Variants in DNMBP observed in about 807,000 individuals in gnomAD.
DNMBP encodes the protein dynamin binding protein, also known as dynamin-binding protein.
A neutral mutation model predicts 150.0 loss-of-function variants in DNMBP; 87 were observed. The observed-to-expected ratio is 0.58, with a 90% CI of 0.49 to 0.69. DNMBP has a LOEUF of 0.69. Among genes scored for constraint, DNMBP ranks in the 30% least tolerant of loss-of-function variants. DNMBP has a pLI of 0.00. For synonymous variants in DNMBP, 711 were observed against 750.4 expected, an observed-to-expected ratio of 0.95 and a Z score of 0.86; for missense variants, 1,774 against 1,949.0, an observed-to-expected ratio of 0.91 and a Z score of 1.69.
At chr10:99,929,178 T>C (rs181957954) in intron 4 of DNMBP, among the ~76,000 whole-genome samples, 16 of 151,592 alleles carry the variant, frequency 1.1e-4, no homozygotes, top group Admixed American at 2.0e-4. Flanking sequence ...AGTCAAGTCT[T>C]CTTTTCCATT....
chr10:99,938,471 G>A (rs2040257439), intron 4 of DNMBP, among the ~76,000 whole-genome samples: 1 of 152,208 alleles, frequency 6.6e-6, no homozygotes, highest in Non-Finnish European at 1.5e-5. Context: ...TTGAGCCTGG[G>A]AGGCGGAGGT....
intron 16 of DNMBP, among the ~76,000 whole-genome samples, chr10:99,879,597 A>G (rs1453574525): frequency 6.6e-6 from 1 of 152,202 alleles, no homozygotes; most frequent in East Asian, 1.9e-4. Flanking sequence ...AGTGACACAG[A>G]GGGGTCCAGG....
intron 6 of DNMBP, among the ~76,000 whole-genome samples, chr10:99,907,459 G>A (rs927579874): frequency 3.3e-5 from 5 of 150,218 alleles, no homozygotes; most frequent in South Asian, 2.1e-4. Context: ...GTAGTGGCTC[G>A]TGGCGCGATT....
intron 1 of DNMBP, among the ~76,000 whole-genome samples, chr10:99,986,944 G>C (rs953050774): frequency 1.3e-5 from 2 of 151,934 alleles, no homozygotes; most frequent in African/African-American, 4.8e-5. Context: ...CACGAGGTCA[G>C]GAGATCGAGA....
chr10:99,881,564 T>C (rs1370197993), intron 15 of DNMBP, among the ~76,000 whole-genome samples: 1 of 152,236 alleles, frequency 6.6e-6, no homozygotes, highest in Non-Finnish European at 1.5e-5. Flanking sequence ...TGATCTTTGA[T>C]GCATTTCCTG....
At position 99,878,462 on chromosome 10, in the gene DNMBP, ACTGT is replaced by A. The variant is rs575084148; in HGVS notation, c.4549-1130_4549-1127del. 3.7e-3 allele frequency among the ~76,000 whole-genome samples: 561 copies of A among 152,268 alleles called. 4 individuals are homozygous for A. Among genetic ancestry groups the A allele is most frequent in the South Asian group, 0.016 (78 of 4,826 alleles). On this transcript the variant is annotated intron_variant, in intron 16 of 16. Transcript: ENST00000324109. ...TTTTCCCTTTGATGTGTCTATAATA[ACTGT>A]CTGCTTGGTAGGCCCAGAATGGGGA...
chr10:99,957,122 A>C lies in DNMBP; in HGVS notation c.352T>G (p.Ser118Ala), dbSNP rs1420203122. The C allele has an allele frequency of 5.0e-6, 8 of 1,613,608 alleles. No individual in the cohort carries two copies. The highest frequency in any genetic ancestry group is 6.8e-6 in the Non-Finnish European group (8 of 1,180,028). Residue 118 changes from serine to alanine, a missense_variant, in exon 4 of 17, where the codon TCT (serine) becomes GCT (alanine). Ser to Ala is a moderately conservative substitution (Grantham distance 99, BLOSUM62 1). Transcript: ENST00000324109. Reference protein sequence around the residue: ...SCWGARGFFPSSCVRELCLSS... With the variant: ...SCWGARGFFPASCVRELCLSS... The stretch of plus-strand genomic sequence containing the variant: ...AGGCAGAGCTCGCGGACACATGAAG[A>C]TGGGAAGAAGCCCCGTGCGCCCCAG...
At chr10:99,961,832 C>G (rs1317455698) in intron 3 of DNMBP, among the ~76,000 whole-genome samples, 5 of 148,572 alleles carry the variant, frequency 3.4e-5, no homozygotes, top group Non-Finnish European at 5.9e-5. Context: ...TGGACACTCT[C>G]TGTAGAGGTT....
In DNMBP at chr10:99,980,362, G is replaced by T. The variant is rs183285573; in HGVS notation, c.-10-8228C>A. On this transcript the variant is annotated intron_variant, in intron 1 of 16. Coordinates refer to ENST00000324109, the MANE Select transcript of DNMBP (RefSeq NM_015221.4). ...CTCAAGAGGCTGAGGCAGGAGAATC[G>T]TTTGAACCCAGAAGGCAGAGGTTGC... 4.4e-3 allele frequency among the ~76,000 whole-genome samples: 670 copies of T among 151,588 alleles called. 3 individuals carry two copies. Among genetic ancestry groups the T allele is most frequent in the Admixed American group, 7.2e-3 (110 of 15,190 alleles).
Position 99,896,387 on chromosome 10 carries a change from G to A in DNMBP, c.2931C>T (p.Tyr977=), listed in dbSNP as rs746369495. 7 of 1,613,972 alleles carry A rather than the reference G, an allele frequency of 4.3e-6. No homozygotes were observed. The highest frequency in any genetic ancestry group is 1.6e-4 in the Middle Eastern group (1 of 6,084). ...TAAGGCTATCTTCATCACCCTTACG[G>A]TACTTGAGGACTAGGGAGTAAGTCA... ...YKRRKDLVLK[Y]RKGDEDSLME... The change falls in exon 10 of 17, where the codon TAC becomes TAT. Residue 977 remains tyrosine (Y), a synonymous_variant. Coordinates refer to ENST00000324109, the MANE Select transcript of DNMBP (RefSeq NM_015221.4).
intron 1 of DNMBP, among the ~76,000 whole-genome samples, chr10:99,979,745 T>C (rs972001071): frequency 1.3e-5 from 2 of 152,226 alleles, no homozygotes; most frequent in African/African-American, 4.8e-5. Context: ...CTGGCATTTC[T>C]AAACTTGTCT....
At chr10:99,965,427 T>C (rs2040611030) in intron 3 of DNMBP, among the ~76,000 whole-genome samples, 1 of 151,880 alleles carries the variant, frequency 6.6e-6, no homozygotes, top group African/African-American at 2.4e-5. Context: ...TTCTTAAAGG[T>C]AAGTAAGTAA....
intron 4 of DNMBP, among the ~76,000 whole-genome samples, chr10:99,921,575 C>T (rs1208286767): frequency 6.6e-6 from 1 of 151,790 alleles, no homozygotes; most frequent in African/African-American, 2.4e-5. Flanking sequence ...CAATTGAGAC[C>T]AGGTGTGGTG....
chr10:99,991,369 G>A (rs1052779598), intron 1 of DNMBP, among the ~76,000 whole-genome samples: 18 of 151,830 alleles, frequency 1.2e-4, no homozygotes, highest in African/African-American at 3.1e-4. Flanking sequence ...GAGCCACCGC[G>A]GCCGGTCTGA....
At chr10:99,972,662 G>A (rs532309907) in intron 1 of DNMBP, among the ~76,000 whole-genome samples, 1 of 152,342 alleles carries the variant, frequency 6.6e-6, no homozygotes, top group South Asian at 2.1e-4. Context: ...CCAGGCTGGA[G>A]TGCAGTGGTG....
chr10:99,940,617 C>T (rs1394313925), intron 4 of DNMBP, among the ~76,000 whole-genome samples: 4 of 152,168 alleles, frequency 2.6e-5, no homozygotes, highest in Admixed American at 6.6e-5. Flanking sequence ...AAACGACTTC[C>T]GCTGGCACCT....
At chr10:99,885,083 C>T (rs933870541) in intron 14 of DNMBP, among the ~76,000 whole-genome samples, 5 of 152,046 alleles carry the variant, frequency 3.3e-5, no homozygotes, top group African/African-American at 1.2e-4. Context: ...AAAAGGCAGC[C>T]AACCATTAAC....
intron 4 of DNMBP, among the ~76,000 whole-genome samples, chr10:99,947,932 G>T (rs2040376156): frequency 6.6e-6 from 1 of 152,042 alleles, no homozygotes; most frequent in Admixed American, 6.6e-5. Flanking sequence ...GAAGTATATG[G>T]AAGCTCTTAT....
Position 99,900,500 on chromosome 10 carries a change from A to AAC in DNMBP, c.2555-436_2555-435dup, listed in dbSNP as rs893531535. Among the ~76,000 whole-genome samples, 13 of 151,810 alleles carry AAC rather than the reference A, an allele frequency of 8.6e-5. No homozygotes were observed. The South Asian group carries it at 1.3e-3, about 15-fold the overall frequency. ...AGGCTCATGTATTTGTTTTAGAACA[A>AAC]ACACACACACACACAATGTGACTGG... is the stretch of plus-strand genomic sequence containing the variant. On this transcript the variant is annotated intron_variant, in intron 6 of 16. Transcript: ENST00000324109.
Sources: allele counts gnomAD v4.1 joint callset (sites outside exome capture counted in the v4.1 genomes callset), GRCh38; gene constraint gnomAD v4.1.1; transcripts MANE v1.5; gene names NCBI Gene and HGNC (gene_info 2026-07-23, HGNC 2026-07-21).